Variants in ASCC3 observed in about 807,000 individuals in gnomAD.
ASCC3 encodes the protein ASC-1 complex subunit P200.
A neutral mutation model predicts 256.3 loss-of-function variants in ASCC3; 158 were observed. The observed-to-expected ratio is 0.62, with a 90% CI of 0.54 to 0.70. The LOEUF (loss-of-function observed/expected upper bound fraction) is 0.70. Among genes scored for constraint, ASCC3 ranks in the 30% least tolerant of loss-of-function variants. The probability of loss-of-function intolerance (pLI) is 0.00; values close to 1 mark genes in which losing one functional copy is unlikely to be tolerated. For synonymous variants in ASCC3, 948 were observed against 883.4 expected (o/e 1.07, Z -1.30); for missense variants, 2,259 against 2,626.0 (o/e 0.86, Z 3.05).
intron 15 of ASCC3, 107 bp downstream of exon 15, chr6:100,662,238 A>C (rs186852760): frequency 4.0e-6 from 5 of 1,251,248 alleles, no homozygotes; most frequent in Admixed American, 2.6e-5. Context: ...AATAACATTC[A>C]AAGTCAAGGA....
chr6:100,584,881 T>C (rs1771558400), intron 36 of ASCC3, among the ~76,000 whole-genome samples: 1 of 152,176 alleles, frequency 6.6e-6, no homozygotes, highest in Non-Finnish European at 1.5e-5. Flanking sequence ...GGGTTGAAAA[T>C]TCTTTTAAGA....
At position 100,817,337 on chromosome 6, in the gene ASCC3, C is replaced by A. The variant is rs552186581; in HGVS notation, c.802-11457G>T. On this transcript the variant is annotated intron_variant, in intron 4 of 41. Transcript: ENST00000369162. ...CATATATAAAGAAAAAGTGAGATCT[C>A]AAACCAATAACCTATCAACCTTAAG... Among the ~76,000 whole-genome samples, 3 of 151,240 alleles carry A rather than the reference C, an allele frequency of 2.0e-5. No individual in the cohort carries two copies. The East Asian group carries it at 5.9e-4, about 30-fold the overall frequency.
At position 100,854,747 on chromosome 6, in the gene ASCC3, CTAACA is replaced by C. The variant is rs1038310831; in HGVS notation, c.242-6045_242-6041del. ...TGTAACTTCCCAAGCAACCAAATAG[CTAACA>C]TAAAAGTTTGAATTAGACTTCATAT... is the stretch of plus-strand genomic sequence containing the variant. On this transcript the variant is annotated intron_variant, in intron 3 of 41. Coordinates refer to ENST00000369162, the MANE Select transcript of ASCC3 (RefSeq NM_006828.4). Among the ~76,000 whole-genome samples the C allele has an allele frequency of 2.2e-4, 33 of 152,196 alleles. 1 individual carries two copies. Among genetic ancestry groups the C allele is most frequent in the African/African-American group, 6.5e-4 (27 of 41,546 alleles).
At chr6:100,835,630 G>C (rs1482922680) in intron 4 of ASCC3, among the ~76,000 whole-genome samples, 1 of 152,042 alleles carries the variant, frequency 6.6e-6, no homozygotes, top group Non-Finnish European at 1.5e-5. Flanking sequence ...ATTGGTCTCT[G>C]TGTCTATTTT....
intron 10 of ASCC3, among the ~76,000 whole-genome samples, chr6:100,725,905 T>G (rs1283822879): frequency 6.6e-6 from 1 of 151,850 alleles, no homozygotes; most frequent in African/African-American, 2.4e-5. Flanking sequence ...ACTAGGCAGT[T>G]TAAGCTCACT....
chr6:100,772,509 C>T (rs1781990272), intron 8 of ASCC3, among the ~76,000 whole-genome samples: 1 of 152,178 alleles, frequency 6.6e-6, no homozygotes, highest in African/African-American at 2.4e-5. Context: ...CATGTAACAA[C>T]ATAGATGAGT....
intron 10 of ASCC3, among the ~76,000 whole-genome samples, chr6:100,729,024 T>C (rs1039458214): frequency 1.6e-4 from 25 of 152,304 alleles, no homozygotes; most frequent in African/African-American, 5.3e-4. Context: ...ATACTGAAAC[T>C]TTTGACAAAG....
At chr6:100,605,219 G>A (rs1317921988) in intron 33 of ASCC3, among the ~76,000 whole-genome samples, 2 of 152,054 alleles carry the variant, frequency 1.3e-5, no homozygotes, top group African/African-American at 2.4e-5. Context: ...TGAGATAGCT[G>A]GTCTTGCTAC....
intron 36 of ASCC3, among the ~76,000 whole-genome samples, chr6:100,578,544 C>T (rs573351462): frequency 1.3e-4 from 20 of 152,054 alleles, no homozygotes; most frequent in South Asian, 6.2e-4. Flanking sequence ...CTGTGTTTCA[C>T]GTAGGATTAT....
In ASCC3 at chr6:100,638,831, C is replaced by G; in HGVS notation, c.3902-10G>C. ...TGAAGATCCAGTAATTCTGAAAAGACCCAACAGGATGGCTATACGACAATT... is the reference window on the plus strand; with the variant it reads ...TGAAGATCCAGTAATTCTGAAAAGAGCCAACAGGATGGCTATACGACAATT... On this transcript the variant is annotated splice_polypyrimidine_tract_variant and intron_variant, in intron 24 of 41. Transcript: ENST00000369162. The G allele has an allele frequency of 1.9e-6, 3 of 1,611,006 alleles. No individual in the cohort carries two copies. The highest frequency in any genetic ancestry group is 2.5e-6 in the Non-Finnish European group (3 of 1,177,246).
chr6:100,828,834 G>C (rs988458344), intron 4 of ASCC3, among the ~76,000 whole-genome samples: 2 of 152,080 alleles, frequency 1.3e-5, no homozygotes, highest in Non-Finnish European at 2.9e-5. Flanking sequence ...TCCACAGTGT[G>C]GAAGCGGACC....
In ASCC3 at chr6:100,723,860, TTATATATATATATATATATA is replaced by T. The variant is rs58924032; in HGVS notation, c.1902+1659_1902+1678del. ...GATATGGCCAGAAGTTATTAGGGAATTATATATATATATATATATATATATATATATATATATTTATAATT... is the reference window on the plus strand; with the variant it reads ...GATATGGCCAGAAGTTATTAGGGAATTATATATATATATATATTTATAATT... On this transcript the variant is annotated intron_variant, in intron 11 of 41. Coordinates refer to ENST00000369162, the MANE Select transcript of ASCC3 (RefSeq NM_006828.4). 1.1e-3 allele frequency among the ~76,000 whole-genome samples: 121 copies of T among 110,228 alleles called. 3 individuals carry two copies. The highest frequency in any genetic ancestry group is 5.2e-3 in the Middle Eastern group (1 of 192). The allele number at this position is 110,228 out of a possible 152,430, so 72.3% of individuals were successfully genotyped here. A position where few individuals can be genotyped will look rare whatever the true frequency, so the allele number is the denominator to read the frequency against.
At chr6:100,735,664 T>C (rs565432885) in intron 10 of ASCC3, among the ~76,000 whole-genome samples, 1 of 152,230 alleles carries the variant, frequency 6.6e-6, no homozygotes, top group South Asian at 2.1e-4. Context: ...AATTCCATCC[T>C]AGAAAAAGGC....
intron 8 of ASCC3, among the ~76,000 whole-genome samples, chr6:100,792,685 TTCTA>T (rs1336015114): frequency 2.0e-5 from 3 of 152,048 alleles, no homozygotes; most frequent in South Asian, 2.1e-4. Flanking sequence ...TTATTTAAGG[TTCTA>T]TCTAAGAATT....
chr6:100,702,587 G>A (rs12207086), intron 13 of ASCC3, among the ~76,000 whole-genome samples: 62,442 of 151,880 alleles, frequency 0.41, 13,342 homozygotes, highest in South Asian at 0.6. Context: ...AAGAAAGAGA[G>A]CTAAATTTAT....
intron 36 of ASCC3, among the ~76,000 whole-genome samples, chr6:100,586,913 A>G (rs559121811): frequency 5.9e-5 from 9 of 152,320 alleles, no homozygotes; most frequent in African/African-American, 2.2e-4. Flanking sequence ...AAAGAATAGA[A>G]GTTTTTCAGT....
chr6:100,772,170 C>T (rs1027786811), intron 8 of ASCC3, among the ~76,000 whole-genome samples: 5 of 152,020 alleles, frequency 3.3e-5, no homozygotes, highest in Admixed American at 6.6e-5. Context: ...CATGAGCCAC[C>T]GCACCTAGCC....
At chr6:100,517,227 T>G (rs1053727937) in intron 38 of ASCC3, among the ~76,000 whole-genome samples, 1 of 152,138 alleles carries the variant, frequency 6.6e-6, no homozygotes, top group Non-Finnish European at 1.5e-5. Context: ...GAGGTTCTTG[T>G]TGGCATCTGT....
chr6:100,816,197 A>G (rs1770736695), intron 4 of ASCC3, among the ~76,000 whole-genome samples: 1 of 152,164 alleles, frequency 6.6e-6, no homozygotes, highest in Non-Finnish European at 1.5e-5. Context: ...GAAAATCAAA[A>G]CCACAATGAG....
Sources: allele counts gnomAD v4.1 joint callset (sites outside exome capture counted in the v4.1 genomes callset), GRCh38; gene constraint gnomAD v4.1.1; transcripts MANE v1.5; gene names NCBI Gene and HGNC (gene_info 2026-07-23, HGNC 2026-07-21).